The following NF1 variants were observed in gnomAD, a reference collection of about 807,000 sequenced individuals.
NF1 encodes neurofibromin 1, also known as neurofibromin.
Under a neutral mutation model 325.7 loss-of-function variants are expected in NF1, and 122 were observed. That is an observed-to-expected ratio of 0.37 (90% confidence interval 0.32 to 0.44). The LOEUF (loss-of-function observed/expected upper bound fraction) is 0.44, where lower values mean the gene tolerates loss of function less well. Ranked by LOEUF, NF1 falls within the 20% of genes least tolerant of loss-of-function variation. NF1 has a pLI of 1.00. For missense variants in NF1, 2,140 were observed against 3,415.4 expected (o/e 0.63, Z 9.31); for synonymous variants, 1,091 against 1,186.0 (o/e 0.92, Z 1.65).
intron 36 of NF1, chr17:31,304,173 A>C: frequency 7.8e-7 from 1 of 1,273,994 alleles, no homozygotes; most frequent in Non-Finnish European, 1.1e-6. Context: ...ATCAAAATTG[A>C]CTATCAGTTG....
intron 30 of NF1, 88 bp downstream of exon 30, chr17:31,249,207 T>A: frequency 7.1e-7 from 1 of 1,415,564 alleles, no homozygotes; most frequent in Non-Finnish European, 1.0e-6. Flanking sequence ...CTGCTGATGG[T>A]GTGTGGTTAA....
At chr17:31,270,211 A>G (rs1467231387) in intron 36 of NF1, among the ~76,000 whole-genome samples, 3 of 152,234 alleles carry the variant, frequency 2.0e-5, no homozygotes, top group African/African-American at 7.2e-5. Flanking sequence ...CAGAAGTGTG[A>G]TTGGAGGAGA....
intron 1 of NF1, among the ~76,000 whole-genome samples, chr17:31,123,834 G>A (rs1468528096): frequency 6.6e-6 from 1 of 152,144 alleles, no homozygotes; most frequent in East Asian, 1.9e-4. Context: ...ACCAGCTTGG[G>A]CGATAGTGGC....
intron 1 of NF1, among the ~76,000 whole-genome samples, chr17:31,102,560 T>C (rs1463892662): frequency 1.3e-5 from 2 of 151,918 alleles, no homozygotes; most frequent in African/African-American, 2.4e-5. Flanking sequence ...CTGTGCAACA[T>C]AGTGAGATGC....
Position 31,249,030 on chromosome 17 carries a change from C to A in NF1, c.4021C>A (p.Gln1341Lys). The A allele has an allele frequency of 6.2e-7, 1 of 1,614,108 alleles. No homozygotes were observed. Among genetic ancestry groups the A allele is most frequent in the South Asian group, 1.1e-5 (1 of 91,086 alleles). The part of the protein sequence containing the change: ...SLEENQRNLL[Q>K]MTEKFFHAII... ...TGAGGAAAACCAGCGGAACCTCCTT[C>A]AGATGACTGAAAAGTTCTTCCATGC... is the stretch of plus-strand genomic sequence containing the variant. The change falls in exon 30 of 58, where the codon CAG becomes AAG. Residue 1341 changes from glutamine (Q) to lysine (K), a missense_variant. Transcript: ENST00000358273.
intron 1 of NF1, among the ~76,000 whole-genome samples, chr17:31,134,655 G>C (rs866708552): frequency 4.5e-4 from 69 of 152,190 alleles, no homozygotes; most frequent in Admixed American, 4.6e-4. Context: ...AGGCTTGACT[G>C]GGGGTAGAGC....
At chr17:31,163,879 A>G (rs1346549887) in intron 4 of NF1, among the ~76,000 whole-genome samples, 1 of 152,226 alleles carries the variant, frequency 6.6e-6, no homozygotes, top group Non-Finnish European at 1.5e-5. Context: ...TAGGTTACCA[A>G]AAAACAAAAC....
Position 31,095,314 on chromosome 17 carries a change from C to T in NF1, c.5C>T (p.Ala2Val), listed in dbSNP as rs1555594473. M[A>V]AHRPVEWVQA... ...CCCCCCGGCCGCGGGGAGGACATGG[C>T]CGCGCACAGGCCGGTGGAATGGGTC... The change falls in exon 1 of 58, where the codon GCC becomes GTC. Residue 2 changes from alanine (A) to valine (V), a missense_variant. Ala to Val is a moderately conservative substitution (Grantham distance 64, BLOSUM62 0). Coordinates refer to ENST00000358273, the MANE Select transcript of NF1 (RefSeq NM_001042492.3). 1 of 1,537,778 alleles carries T rather than the reference C, an allele frequency of 6.5e-7. No individual in the cohort carries two copies. Among genetic ancestry groups the T allele is most frequent in the Non-Finnish European group, 8.7e-7 (1 of 1,146,088 alleles).
intron 36 of NF1, chr17:31,321,370 T>C (rs2069186795): frequency 6.6e-6 from 1 of 152,126 alleles, no homozygotes. Context: ...AAAGTATACA[T>C]TTTCAGTCAC....
intron 57 of NF1, among the ~76,000 whole-genome samples, chr17:31,371,811 A>G (rs2070646791): frequency 6.6e-6 from 1 of 152,226 alleles, no homozygotes; most frequent in South Asian, 2.1e-4. Context: ...GTTCATAAAC[A>G]GTCACTGACA....
chr17:31,141,353 A>G (rs374464161), intron 1 of NF1, among the ~76,000 whole-genome samples: 6 of 150,596 alleles, frequency 4.0e-5, no homozygotes, highest in African/African-American at 4.9e-5. Flanking sequence ...CAGAAATTCT[A>G]TTCTTTCAGA....
intron 43 of NF1, 54 bp downstream of exon 43, chr17:31,337,636 G>A (rs1233866356): frequency 8.6e-5 from 130 of 1,515,460 alleles, no homozygotes; most frequent in Non-Finnish European, 1.2e-4. Flanking sequence ...TTAAAAATAT[G>A]TTAATACTAT....
intron 1 of NF1, among the ~76,000 whole-genome samples, chr17:31,134,320 AATTTCAT>A (rs2143485094): frequency 6.6e-6 from 1 of 152,216 alleles, no homozygotes; most frequent in South Asian, 2.1e-4. Context: ...TTTATTTTTC[AATTTCAT>A]ATTTCCATAT....
At position 31,226,453 on chromosome 17, in the gene NF1, A is replaced by G. The variant is rs1555613753; in HGVS notation, c.2020A>G (p.Ser674Gly). Residue 674 changes from serine (S) to glycine (G), a missense_variant, in exon 18 of 58, where the codon AGC becomes GGC. By Grantham distance (56) the Ser-to-Gly change is moderately conservative. Around this residue, in one of 10 missense-constraint regions of NF1, gnomAD observed 380 missense variants for 639.3 expected, o/e 0.59. Transcript: ENST00000358273. ...CTCTCAGGATAGTGCAGCAGGATGC[A>G]GCGGAACCCCCCCGATTTGCCGACA... ...NSSMDSAAGC[S>G]GTPPICRQAQ... 6.2e-7 allele frequency: 1 copy of G among 1,613,706 alleles called. No individual in the cohort carries two copies. Among genetic ancestry groups the G allele is most frequent in the Non-Finnish European group, 8.5e-7 (1 of 1,179,766 alleles).
intron 2 of NF1, among the ~76,000 whole-genome samples, chr17:31,157,959 C>T (rs1359252563): frequency 2.0e-5 from 3 of 151,132 alleles, no homozygotes; most frequent in Non-Finnish European, 2.9e-5. Flanking sequence ...AGTGAGACTC[C>T]GTCTCAAAAA....
Sources: allele counts gnomAD v4.1 joint callset (sites outside exome capture counted in the v4.1 genomes callset), GRCh38; gene constraint gnomAD v4.1.1; regional missense constraint gnomAD v4.1.1; transcripts MANE v1.5; gene names NCBI Gene and HGNC (gene_info 2026-07-23, HGNC 2026-07-21).